The following RSPO2 variants were observed in gnomAD, a reference collection of about 807,000 sequenced individuals.
The protein encoded by RSPO2 is R-spondin-2.
In RSPO2, 14 loss-of-function variants were observed where a neutral mutation model predicts 30.9. That is an observed-to-expected ratio of 0.45 (90% CI 0.30 to 0.71). RSPO2 has a LOEUF of 0.71. Among genes scored for constraint, RSPO2 ranks in the 30% least tolerant of loss-of-function variants. The pLI, the probability that RSPO2 is intolerant of heterozygous loss-of-function variation, is 0.08. For synonymous variants in RSPO2, 107 were observed against 96.4 expected (o/e 1.11, Z -0.64); for missense variants, 264 against 301.9 (o/e 0.87, Z 0.93).
At chr8:107,937,799 G>A (rs1812768441) in intron 5 of RSPO2, among the ~76,000 whole-genome samples, 1 of 151,978 alleles carries the variant, frequency 6.6e-6, no homozygotes. Flanking sequence ...TTTCTGTAAA[G>A]TTACTCTCAC....
At chr8:108,065,037 G>T in intron 2 of RSPO2, among the ~76,000 whole-genome samples, 1 of 152,056 alleles carries the variant, frequency 6.6e-6, no homozygotes, top group Middle Eastern at 3.4e-3. Flanking sequence ...GGGGAGAAGG[G>T]GGAGGGATAG....
chr8:108,077,742 T>C lies in RSPO2; in HGVS notation c.94+4803A>G, dbSNP rs571262084. On this transcript the variant is annotated intron_variant, in intron 2 of 5. Transcript: ENST00000276659. ...GTTTTCTATTTATTCTGGATGAACATATGAAAATGTATAAATATAGATACG... is the reference window on the plus strand; with the variant it reads ...GTTTTCTATTTATTCTGGATGAACACATGAAAATGTATAAATATAGATACG... Among the ~76,000 whole-genome samples, 6 of 152,294 alleles carry C rather than the reference T, an allele frequency of 3.9e-5. No homozygotes were observed. In the East Asian group the frequency reaches 1.2e-3, roughly 29 times the overall value.
At chr8:107,961,388 C>G (rs1428779475) in intron 3 of RSPO2, among the ~76,000 whole-genome samples, 2 of 152,150 alleles carry the variant, frequency 1.3e-5, no homozygotes, top group African/African-American at 4.8e-5. Context: ...AAAGGCTTTA[C>G]ATATATTTCC....
intron 5 of RSPO2, among the ~76,000 whole-genome samples, chr8:107,914,736 T>C (rs1041083556): frequency 9.2e-5 from 14 of 152,304 alleles, no homozygotes; most frequent in Middle Eastern, 3.4e-3. Flanking sequence ...CTTCTGGAAA[T>C]TCCTTCCAAT....
chr8:107,940,872 GTTT>G (rs1051502102), intron 5 of RSPO2, among the ~76,000 whole-genome samples: 4 of 152,082 alleles, frequency 2.6e-5, no homozygotes, highest in African/African-American at 9.7e-5. Flanking sequence ...TTCTGATACA[GTTT>G]TTTTCTTTTG....
chr8:107,994,245 T>C (rs908347438), intron 2 of RSPO2, among the ~76,000 whole-genome samples: 21 of 152,308 alleles, frequency 1.4e-4, no homozygotes, highest in Admixed American at 3.9e-4. Flanking sequence ...TTAATATGCA[T>C]AATTTACAAG....
chr8:108,058,860 A>T (rs1267520557), intron 2 of RSPO2, among the ~76,000 whole-genome samples: 1 of 151,744 alleles, frequency 6.6e-6, no homozygotes, highest in African/African-American at 2.4e-5. Context: ...AGATGGATTA[A>T]GTACTTAAAC....
chr8:107,973,528 ACACT>A (rs1400850302), intron 3 of RSPO2, among the ~76,000 whole-genome samples: 3 of 27,948 alleles, frequency 1.1e-4, no homozygotes, highest in East Asian at 4.3e-3. Flanking sequence ...ACACAGACAC[ACACT>A]CACACACACA....
At chr8:107,906,103 C>T (rs146299243) in intron 5 of RSPO2, among the ~76,000 whole-genome samples, 1 of 151,956 alleles carries the variant, frequency 6.6e-6, no homozygotes, top group Non-Finnish European at 1.5e-5. Flanking sequence ...TTGATACAGC[C>T]TTTCTGAAAA....
intron 2 of RSPO2, among the ~76,000 whole-genome samples, chr8:108,019,027 A>C (rs1405108027): frequency 6.6e-6 from 1 of 152,226 alleles, no homozygotes; most frequent in African/African-American, 2.4e-5. Flanking sequence ...CATAGAAGCA[A>C]ACTTGGTAGA....
Position 108,062,764 on chromosome 8 carries a change from T to TCAA in RSPO2, c.94+19780_94+19781insTTG, listed in dbSNP as rs1224860489. The stretch of plus-strand genomic sequence containing the variant: ...TTTAGACCAATATCCCTAATGAACA[T>TCAA]TGATGCAAAAATCCTCAATAAAATA... On this transcript the variant is annotated intron_variant, in intron 2 of 5. Coordinates refer to ENST00000276659, the MANE Select transcript of RSPO2 (RefSeq NM_178565.5). 2.3e-4 allele frequency among the ~76,000 whole-genome samples: 35 copies of TCAA among 151,932 alleles called. No individual in the cohort carries two copies. In the East Asian group the frequency reaches 3.3e-3, roughly 14 times the overall value.
At chr8:108,008,787 C>CAAAAAA (rs71308768) in intron 2 of RSPO2, among the ~76,000 whole-genome samples, 9 of 123,702 alleles carry the variant, frequency 7.3e-5, no homozygotes, top group African/African-American at 2.5e-4. Flanking sequence ...TCATAAACTG[C>CAAAAAA]AAAAAAAAAA....
At chr8:107,959,873 C>A (rs752281801) in intron 4 of RSPO2, among the ~76,000 whole-genome samples, 21 of 152,254 alleles carry the variant, frequency 1.4e-4, no homozygotes, top group Middle Eastern at 3.4e-3. Context: ...GCAATATTTT[C>A]ATAGAAAAAT....
chr8:107,913,531 G>C (rs567685887), intron 5 of RSPO2, among the ~76,000 whole-genome samples: 50 of 152,258 alleles, frequency 3.3e-4, no homozygotes, highest in African/African-American at 1.1e-3. Flanking sequence ...TACCCAAGTA[G>C]AGGCAATGGA....
intron 2 of RSPO2, among the ~76,000 whole-genome samples, chr8:108,081,233 G>A (rs1162471117): frequency 2.0e-5 from 3 of 152,054 alleles, no homozygotes; most frequent in Non-Finnish European, 4.4e-5. Flanking sequence ...GCTCAGGTGG[G>A]CCAATCTCTA....
chr8:108,001,945 T>C (rs1341784287), intron 2 of RSPO2, among the ~76,000 whole-genome samples: 1 of 152,084 alleles, frequency 6.6e-6, no homozygotes, highest in African/African-American at 2.4e-5. Context: ...ATGCCGGGCT[T>C]AAAACCTAGA....
chr8:107,943,552 C>T (rs573835040), intron 5 of RSPO2, among the ~76,000 whole-genome samples: 8 of 152,288 alleles, frequency 5.3e-5, no homozygotes, highest in Non-Finnish European at 1.2e-4. Context: ...TTTCACGTAG[C>T]GGTTCTTGGG....
At chr8:108,020,337 C>A (rs1811020358) in intron 2 of RSPO2, among the ~76,000 whole-genome samples, 1 of 152,192 alleles carries the variant, frequency 6.6e-6, no homozygotes, top group African/African-American at 2.4e-5. Flanking sequence ...ATGCTCCCAA[C>A]TCTCACATCC....
At chr8:107,990,720 A>T (rs1452096672) in intron 2 of RSPO2, among the ~76,000 whole-genome samples, 2 of 152,188 alleles carry the variant, frequency 1.3e-5, no homozygotes, top group Non-Finnish European at 2.9e-5. Context: ...ATTCACATGG[A>T]ACCAAAAAAA....
Sources: gnomAD v4.1 joint callset for allele counts (sites outside exome capture counted in the v4.1 genomes callset) on GRCh38, gnomAD v4.1.1 for gene constraint, MANE v1.5 for transcripts, NCBI Gene and HGNC (gene_info 2026-07-23, HGNC 2026-07-21) for gene names.